RBM44: variants seen among roughly 807,000 people sequenced by gnomAD.
RBM44 encodes RNA-binding protein 44.
Under a neutral mutation model 105.1 loss-of-function variants are expected in RBM44, and 66 were observed. That is an observed-to-expected ratio of 0.63 (90% CI 0.52 to 0.77). The LOEUF is 0.77. Among genes scored for constraint, RBM44 ranks in the 30% least tolerant of loss-of-function variants. The pLI, the probability that RBM44 is intolerant of heterozygous loss-of-function variation, is 0.00. For synonymous variants in RBM44, 365 were observed against 417.6 expected (o/e 0.87, Z 1.54); for missense variants, 1,122 against 1,207.8 (o/e 0.93, Z 1.05).
At chr2:237,808,201 C>T (rs1458891350) in intron 1 of RBM44, among the ~76,000 whole-genome samples, 2 of 152,040 alleles carry the variant, frequency 1.3e-5, no homozygotes, top group Non-Finnish European at 2.9e-5. Context: ...GCTTGTAATC[C>T]TAGCACTTTG....
chr2:237,822,324 C>T (rs745393291), intron 8 of RBM44, among the ~76,000 whole-genome samples: 14 of 151,788 alleles, frequency 9.2e-5, no homozygotes, highest in Non-Finnish European at 1.9e-4. Context: ...TTCTTGTTCC[C>T]GCAAGAAAGT....
At chr2:237,811,907 T>C (rs1015162827) in intron 1 of RBM44, among the ~76,000 whole-genome samples, 5 of 152,188 alleles carry the variant, frequency 3.3e-5, no homozygotes, top group African/African-American at 4.8e-5. Flanking sequence ...CAGGCTGGAG[T>C]GCATTAGTGC....
intron 13 of RBM44, among the ~76,000 whole-genome samples, chr2:237,831,243 TG>T (rs61344701): frequency 0.29 from 31,271 of 107,324 alleles, 4,584 homozygotes; most frequent in East Asian, 0.46. Context: ...TCCTTTTTTT[TG>T]GGGGGGGGGG....
At chr2:237,801,739 A>G (rs75558669) in intron 1 of RBM44, among the ~76,000 whole-genome samples, 2,797 of 152,298 alleles carry the variant, frequency 0.018, 38 homozygotes, top group Non-Finnish European at 0.028. Flanking sequence ...GGGATGCTCT[A>G]TGCCCTTCTC....
rs760125110 is a variant in RBM44 at position 237,818,279 on chromosome 2, T to C, written c.1360T>C (p.Leu454=). 8 of 1,613,314 alleles carry C rather than the reference T, an allele frequency of 5.0e-6. No individual in the cohort carries two copies. The Admixed American group carries it at 6.7e-5, about 13-fold the overall frequency. Residue 454 remains leucine, a synonymous_variant, in exon 3 of 16, where the codon TTG becomes CTG. Transcript: ENST00000316997. This position sits in a 1 kb window ranked among gnomAD's most constrained non-coding sequence, Gnocchi z 4.6. ...HNIGEMCTKS[L]TDAASCTVTI... ...TATAGGAGAAATGTGTACTAAATCATTGACAGATGCAGCAAGTTGTACAGT... is the reference window on the plus strand; with the variant it reads ...TATAGGAGAAATGTGTACTAAATCACTGACAGATGCAGCAAGTTGTACAGT...
chr2:237,817,435 T>C lies in RBM44; in HGVS notation c.516T>C (p.Ala172=). ...NISDANYRES[A]EDTQKHDTDE... Reference sequence around the variant, plus strand: ...CAGATGCTAATTATAGAGAAAGTGCTGAAGATACACAAAAGCATGATACAG... The same window carrying C: ...CAGATGCTAATTATAGAGAAAGTGCCGAAGATACACAAAAGCATGATACAG... The change falls in exon 3 of 16, where the codon GCT becomes GCC. Residue 172 remains alanine, a synonymous_variant. Coordinates refer to ENST00000316997, the MANE Select transcript of RBM44 (RefSeq NM_001080504.3). The C allele has an allele frequency of 6.3e-7, 1 of 1,599,312 alleles. No individual in the cohort carries two copies. The highest frequency in any genetic ancestry group is 8.5e-7 in the Non-Finnish European group (1 of 1,172,060).
rs369815457 is a variant in RBM44 at position 237,834,642 on chromosome 2, A to C, written c.*22+219A>C. 58 of 220,598 alleles carry C rather than the reference A, an allele frequency of 2.6e-4. 1 individual carries two copies. The highest frequency in any genetic ancestry group is 1.3e-3 in the African/African-American group (54 of 42,594). 13.7% of individuals were successfully genotyped at this position (220,598 alleles called of 1,614,324 possible). Reference sequence around the variant, plus strand: ...GCTTAAACAACACTCATAAACTCACAGTTTGCAGATCAGGATTCAGGAGTG... The same window carrying C: ...GCTTAAACAACACTCATAAACTCACCGTTTGCAGATCAGGATTCAGGAGTG... On this transcript the variant is annotated intron_variant, in intron 15 of 15. Coordinates refer to ENST00000316997, the MANE Select transcript of RBM44 (RefSeq NM_001080504.3).
chr2:237,829,510 T>G lies in RBM44; in HGVS notation c.2886+8T>G, dbSNP rs1057472248. On this transcript the variant is annotated splice_region_variant and intron_variant, in intron 13 of 15. Transcript: ENST00000316997. ...GTTTTCCCTTCCGACCAGGTTAGTG[T>G]TTTTGATAGATCCCTTAAATGGTCT... 6.2e-7 allele frequency: 1 copy of G among 1,600,622 alleles called. No individual in the cohort carries two copies. The highest frequency in any genetic ancestry group is 1.8e-5 in the Admixed American group (1 of 57,116).
intron 15 of RBM44, among the ~76,000 whole-genome samples, chr2:237,839,671 G>A (rs376229843): frequency 2.0e-5 from 3 of 152,210 alleles, no homozygotes. Flanking sequence ...TTAAACATAA[G>A]AGTTAAAATT....
chr2:237,801,359 A>G (rs1346355177), intron 1 of RBM44, among the ~76,000 whole-genome samples: 2 of 152,238 alleles, frequency 1.3e-5, no homozygotes, highest in South Asian at 2.1e-4. Flanking sequence ...TTGAACAATC[A>G]AATGTATCAA....
At chr2:237,823,081 G>A (rs1369047) in intron 8 of RBM44, among the ~76,000 whole-genome samples, 56,095 of 151,126 alleles carry the variant, frequency 0.37, 10,702 homozygotes, top group East Asian at 0.53. Context: ...TAAATATATA[G>A]CTGTTAAAGG....
In RBM44 at chr2:237,829,263, G is replaced by A; in HGVS notation, c.2647G>A (p.Val883Met). ...AAAAAACAGCGATGCAAAGATAGCT[G>A]TGAAAGAAATGAATGGGATAGAAAT... ...FTKNSDAKIA[V>M]KEMNGIEING... Residue 883 changes from valine to methionine, a missense_variant, in exon 13 of 16, where the codon GTG becomes ATG. Coordinates refer to ENST00000316997, the MANE Select transcript of RBM44 (RefSeq NM_001080504.3). 1 of 1,613,010 alleles carries A rather than the reference G, an allele frequency of 6.2e-7. No individual in the cohort carries two copies. The highest frequency in any genetic ancestry group is 1.7e-4 in the Middle Eastern group (1 of 6,024).
intron 12 of RBM44, among the ~76,000 whole-genome samples, chr2:237,828,681 T>A (rs898961417): frequency 6.6e-6 from 1 of 152,144 alleles, no homozygotes; most frequent in South Asian, 2.1e-4. Context: ...GGAATAGCTA[T>A]TGCCCAACTT....
intron 1 of RBM44, among the ~76,000 whole-genome samples, chr2:237,811,740 T>G (rs932047729): frequency 2.6e-5 from 4 of 152,214 alleles, no homozygotes; most frequent in African/African-American, 9.6e-5. Context: ...AAAATTATCC[T>G]TCAGTGGCAT....
At position 237,799,686 on chromosome 2, in the gene RBM44, C is replaced by T. The variant is rs554823010; in HGVS notation, c.-19+825C>T. 4.6e-5 allele frequency among the ~76,000 whole-genome samples: 7 copies of T among 152,272 alleles called. No individual in the cohort carries two copies. The East Asian group carries it at 9.7e-4, about 21-fold the overall frequency. ...GCCAAGGCTAACACAGAGCCCGGAC[C>T]GTTGTAGGGTTTTACAGGACTTATT... On this transcript the variant is annotated intron_variant, in intron 1 of 15. Transcript: ENST00000316997.
At chr2:237,806,178 G>A (rs1454279680) in intron 1 of RBM44, among the ~76,000 whole-genome samples, 1 of 152,100 alleles carries the variant, frequency 6.6e-6, no homozygotes, top group Non-Finnish European at 1.5e-5. Context: ...TATATCCTCT[G>A]TAATTTTAGT....
Position 237,842,065 on chromosome 2 carries a change from A to AT in RBM44, c.*256dup, listed in dbSNP as rs887846174. On this transcript the variant is annotated 3_prime_UTR_variant, in exon 16 of 16. Transcript: ENST00000316997. ...AATATAATTTTTAATAAGTTTTTAA[A>AT]TTTTTTTATTTCAATTTTGTTACTT... is the stretch of plus-strand genomic sequence containing the variant. 2.6e-5 allele frequency: 4 copies of AT among 152,090 alleles called. No homozygotes were observed. Among genetic ancestry groups the AT allele is most frequent in the African/African-American group, 7.2e-5 (3 of 41,562 alleles). 9.4% of individuals were successfully genotyped at this position (152,090 alleles called of 1,614,324 possible). A position where few individuals can be genotyped will look rare whatever the true frequency, so the allele number is the denominator to read the frequency against.
rs2061880345 is a variant in RBM44 at position 237,829,339 on chromosome 2, C to T, written c.2723C>T (p.Thr908Ile). 1.2e-6 allele frequency: 2 copies of T among 1,613,334 alleles called. No individual in the cohort carries two copies. The highest frequency in any genetic ancestry group is 1.1e-5 in the South Asian group (1 of 91,072). ...VWPVKILGEY[T>I]SPLSSKNGNR... is the part of the protein sequence containing the mutation. ...CCTGTTAAAATTCTTGGAGAATATA[C>T]ATCACCACTTTCCTCCAAAAATGGG... The change falls in exon 13 of 16, where the codon ACA becomes ATA. Residue 908 changes from threonine (T) to isoleucine (I), a missense_variant. Physicochemically the swap from Thr to Ile is moderately conservative, Grantham distance 89. Around this residue, in one of 3 missense-constraint regions of RBM44, gnomAD observed 194 missense variants for 225.5 expected, o/e 0.86. Transcript: ENST00000316997.
chr2:237,800,928 A>G (rs1168106337), intron 1 of RBM44, among the ~76,000 whole-genome samples: 2 of 152,176 alleles, frequency 1.3e-5, no homozygotes, highest in Non-Finnish European at 2.9e-5. Flanking sequence ...CGTGTTGGCC[A>G]GGCTAGTCTC....
Sources: allele counts gnomAD v4.1 joint callset (sites outside exome capture counted in the v4.1 genomes callset), GRCh38; gene constraint gnomAD v4.1.1; regional missense constraint gnomAD v4.1.1; non-coding constraint Gnocchi (gnomAD v3.1); transcripts MANE v1.5; gene names NCBI Gene and HGNC (gene_info 2026-07-23, HGNC 2026-07-21).